LRRC4C: variants seen among roughly 807,000 people sequenced by gnomAD.
LRRC4C encodes the protein leucine-rich repeat-containing protein 4C.
A neutral mutation model predicts 33.6 loss-of-function variants in LRRC4C; 5 were observed. The observed-to-expected ratio is 0.15, with a 90% CI of 0.08 to 0.31. LRRC4C has a LOEUF of 0.31. Ranked by LOEUF, LRRC4C falls within the 10% of genes least tolerant of loss-of-function variation. The pLI is 1.00. For missense variants in LRRC4C, 560 were observed against 796.7 expected, an observed-to-expected ratio of 0.70 and a Z score of 3.58; for synonymous variants, 329 against 302.0, an observed-to-expected ratio of 1.09 and a Z score of -0.93.
intron 3 of LRRC4C, chr11:40,446,264 G>C (rs886245614): frequency 3.3e-5 from 5 of 152,028 alleles, no homozygotes; most frequent in Non-Finnish European, 7.4e-5. Flanking sequence ...CATGATTTCT[G>C]ATACATTTCA....
intron 1 of LRRC4C, among the ~76,000 whole-genome samples, chr11:41,123,256 G>GTTTTTTTTTTTTTTTTTT (rs1456350828): frequency 9.3e-6 from 1 of 107,158 alleles, no homozygotes; most frequent in African/African-American, 3.9e-5. Context: ...CCTGAGCTAT[G>GTTTTTTTTTTTTTTTTTT]TTTTGTTTTT....
chr11:40,163,918 A>C (rs1335858182), intron 5 of LRRC4C, among the ~76,000 whole-genome samples: 1 of 152,220 alleles, frequency 6.6e-6, no homozygotes, highest in African/African-American at 2.4e-5. Context: ...AAACAAATAT[A>C]AACTCCCTTG....
At chr11:40,294,907 G>A (rs1382900353) in intron 4 of LRRC4C, among the ~76,000 whole-genome samples, 1 of 152,052 alleles carries the variant, frequency 6.6e-6, no homozygotes, top group Non-Finnish European at 1.5e-5. Flanking sequence ...AAAGCTACTC[G>A]GGAGGGAGGC....
rs978435370 is a variant in LRRC4C, at chr11:41,359,532, T to C, written c.-496+99899A>G. On this transcript the variant is annotated intron_variant, in intron 1 of 6. Transcript: ENST00000528697. ...TAAAAATAAGTGTTTGTTTTTTTTG[T>C]TTTTGTTTTTGAAAGGAAGGACACA... Among the ~76,000 whole-genome samples the C allele has an allele frequency of 1.2e-4, 18 of 152,138 alleles. 1 individual carries two copies. Among genetic ancestry groups the C allele is most frequent in the Admixed American group, 7.2e-4 (11 of 15,264 alleles).
At chr11:41,421,818 G>A (rs1400663523) in intron 1 of LRRC4C, among the ~76,000 whole-genome samples, 1 of 151,960 alleles carries the variant, frequency 6.6e-6, no homozygotes, top group African/African-American at 2.4e-5. Flanking sequence ...GTCGATCCGG[G>A]AAGCTAAACT....
chr11:40,776,657 G>T (rs1235858824), intron 2 of LRRC4C, among the ~76,000 whole-genome samples: 2 of 151,672 alleles, frequency 1.3e-5, no homozygotes, highest in African/African-American at 4.8e-5. Flanking sequence ...TATCAATCTT[G>T]TTTATACTTT....
At chr11:41,355,797 T>G (rs1244360767) in intron 1 of LRRC4C, among the ~76,000 whole-genome samples, 1 of 152,038 alleles carries the variant, frequency 6.6e-6, no homozygotes, top group Non-Finnish European at 1.5e-5. Flanking sequence ...ATAATTCATG[T>G]TTTTTTAAAG....
chr11:40,399,023 T>C (rs564305814), intron 3 of LRRC4C, among the ~76,000 whole-genome samples: 1 of 152,254 alleles, frequency 6.6e-6, no homozygotes, highest in African/African-American at 2.4e-5. Flanking sequence ...TTTGAAATTA[T>C]ATCCTTAACA....
intron 2 of LRRC4C, among the ~76,000 whole-genome samples, chr11:40,914,499 C>G (rs36158899): frequency 2.5e-4 from 38 of 152,074 alleles, no homozygotes; most frequent in African/African-American, 7.2e-4. Context: ...ATTCGACAAC[C>G]CTTCATGCTA....
intron 2 of LRRC4C, among the ~76,000 whole-genome samples, chr11:40,838,065 A>G (rs1292299427): frequency 6.6e-6 from 1 of 152,196 alleles, no homozygotes; most frequent in Non-Finnish European, 1.5e-5. Flanking sequence ...TTTATTGTGA[A>G]AAGGATACTA....
At chr11:40,738,255 C>G (rs371107274) in intron 2 of LRRC4C, among the ~76,000 whole-genome samples, 11 of 151,946 alleles carry the variant, frequency 7.2e-5, no homozygotes, top group African/African-American at 1.9e-4. Flanking sequence ...TAAGACCTAG[C>G]TCCTCTTTTT....
intron 2 of LRRC4C, among the ~76,000 whole-genome samples, chr11:40,920,316 T>C (rs1294174649): frequency 1.3e-5 from 2 of 152,306 alleles, no homozygotes; most frequent in Middle Eastern, 3.4e-3. Context: ...TATATTTGTA[T>C]GCATATCTGT....
chr11:41,066,123 T>C (rs1225303173), intron 1 of LRRC4C, among the ~76,000 whole-genome samples: 1 of 151,986 alleles, frequency 6.6e-6, no homozygotes, highest in Non-Finnish European at 1.5e-5. Context: ...CTCCACTGAA[T>C]TAAAGAAGCA....
chr11:41,041,808 C>T (rs1431867466), intron 1 of LRRC4C, among the ~76,000 whole-genome samples: 1 of 152,112 alleles, frequency 6.6e-6, no homozygotes, highest in African/African-American at 2.4e-5. Flanking sequence ...ATACTCACAG[C>T]CTCACGCTTG....
chr11:40,633,355 T>TTCTC (rs1963650813), intron 3 of LRRC4C, among the ~76,000 whole-genome samples: 5 of 41,832 alleles, frequency 1.2e-4, no homozygotes, highest in Admixed American at 4.9e-4. Flanking sequence ...CTTTCTTTCT[T>TTCTC]TCTTTCTTTC....
intron 2 of LRRC4C, among the ~76,000 whole-genome samples, chr11:40,711,464 A>G (rs1946461519): frequency 6.6e-6 from 1 of 152,156 alleles, no homozygotes; most frequent in Non-Finnish European, 1.5e-5. Flanking sequence ...AAATGTATAA[A>G]TTGGTTATTA....
In LRRC4C at chr11:41,224,122, A is replaced by G. The variant is rs561319733; in HGVS notation, c.-496+235309T>C. On this transcript the variant is annotated intron_variant, in intron 1 of 6. Transcript: ENST00000528697. The stretch of plus-strand genomic sequence containing the variant: ...ACTTTTGTGACTTAAGAAGCTCATA[A>G]TGTAAAAGAGAAGATAAAACACTTA... Among the ~76,000 whole-genome samples, 3 of 152,324 alleles carry G rather than the reference A, an allele frequency of 2.0e-5. No homozygotes were observed. In the East Asian group the frequency reaches 5.8e-4, roughly 29 times the overall value.
At chr11:40,311,502 T>C (rs566981440) in intron 4 of LRRC4C, among the ~76,000 whole-genome samples, 2 of 152,318 alleles carry the variant, frequency 1.3e-5, no homozygotes, top group South Asian at 4.1e-4. Context: ...CACATACAAA[T>C]AGAAGTTCTA....
chr11:40,874,790 A>C (rs1954809155), intron 2 of LRRC4C, among the ~76,000 whole-genome samples: 1 of 152,198 alleles, frequency 6.6e-6, no homozygotes, highest in Non-Finnish European at 1.5e-5. Flanking sequence ...CCTTGCAGCA[A>C]CATAGTATAG....
Sources: gnomAD v4.1 joint callset for allele counts (sites outside exome capture counted in the v4.1 genomes callset) on GRCh38, gnomAD v4.1.1 for gene constraint, MANE v1.5 for transcripts, NCBI Gene and HGNC (gene_info 2026-07-23, HGNC 2026-07-21) for gene names.